Variants in SOX6 observed in about 807,000 individuals in gnomAD.
The protein encoded by SOX6 is SRY-box transcription factor 6, also known as transcription factor SOX-6.
SOX6 carries 11 observed loss-of-function variants against 97.8 expected under a neutral mutation model. The ratio of observed to expected loss-of-function variants is 0.11; its 90% confidence interval spans 0.07 to 0.19. The LOEUF is 0.19. Ranked by LOEUF, SOX6 falls within the 10% of genes least tolerant of loss-of-function variation. SOX6 has a pLI of 1.00. For missense variants in SOX6, 810 were observed against 1,039.5 expected (o/e 0.78, Z 3.04); for synonymous variants, 360 against 371.4 (o/e 0.97, Z 0.35).
intron 4 of SOX6, among the ~76,000 whole-genome samples, chr11:16,504,628 A>C (rs1860757272): frequency 6.6e-6 from 1 of 152,176 alleles, no homozygotes. Flanking sequence ...GGACTGGAAA[A>C]ATTAATATTG....
At chr11:16,587,886 G>A (rs1370784797) in intron 4 of SOX6, among the ~76,000 whole-genome samples, 5 of 152,144 alleles carry the variant, frequency 3.3e-5, no homozygotes, top group African/African-American at 4.8e-5. Context: ...GCAATGAATT[G>A]ATGGCTGTGT....
chr11:16,520,695 G>A lies in SOX6; in HGVS notation n.610-44307C>T, dbSNP rs537113860. Among the ~76,000 whole-genome samples, 61 of 152,346 alleles carry A rather than the reference G, an allele frequency of 4.0e-4. No individual in the cohort carries two copies. The East Asian group carries it at 5.0e-3, about 13-fold the overall frequency. ...CGAGGCATGGCCTCACTCGGGAAGC[G>A]CAAGGGGTCAGGGAGTTCCCTTTCC... On this transcript the variant is annotated intron_variant and non_coding_transcript_variant, in intron 4 of 5. Coordinates refer to the SOX6 transcript ENST00000524520.
chr11:15,992,373 G>T (rs185105977), intron 13 of SOX6, among the ~76,000 whole-genome samples: 169 of 152,272 alleles, frequency 1.1e-3, no homozygotes, highest in African/African-American at 3.9e-3. Context: ...CACACAGATT[G>T]CAATGCCCAG....
chr11:16,230,413 G>C (rs1389581072), intron 4 of SOX6, among the ~76,000 whole-genome samples: 1 of 151,650 alleles, frequency 6.6e-6, no homozygotes, highest in Non-Finnish European at 1.5e-5. Flanking sequence ...AAAGTCAATA[G>C]AGGCAAGTTA....
chr11:16,322,483 A>G (rs898074909), intron 2 of SOX6, among the ~76,000 whole-genome samples: 4 of 152,122 alleles, frequency 2.6e-5, no homozygotes, highest in Non-Finnish European at 4.4e-5. Flanking sequence ...TCTTTTCTTT[A>G]TAAATTACCC....
intron 6 of SOX6, among the ~76,000 whole-genome samples, chr11:16,114,814 T>C (rs1037472109): frequency 3.4e-5 from 5 of 148,946 alleles, no homozygotes; most frequent in African/African-American, 9.7e-5. Context: ...ATGAAAACAT[T>C]ATTTTTATAT....
chr11:16,738,353 C>T (rs184176555), intron 1 of SOX6: 8 of 203,546 alleles, frequency 3.9e-5, no homozygotes, highest in African/African-American at 1.8e-4. Context: ...AGTAGGGCAG[C>T]GTTGCACGGT....
At chr11:16,505,777 C>G (rs890269570) in intron 4 of SOX6, among the ~76,000 whole-genome samples, 17 of 152,230 alleles carry the variant, frequency 1.1e-4, no homozygotes, top group Admixed American at 3.9e-4. Context: ...GCTGCCCCAG[C>G]TCCAGCTCCA....
At chr11:15,977,639 T>G (rs1027924983) in intron 15 of SOX6, among the ~76,000 whole-genome samples, 1 of 152,052 alleles carries the variant, frequency 6.6e-6, no homozygotes, top group African/African-American at 2.4e-5. Context: ...TTTAACTCTC[T>G]GCCTACTCTG....
intron 3 of SOX6, among the ~76,000 whole-genome samples, chr11:16,288,687 G>T (rs1590096076): frequency 6.6e-6 from 1 of 151,982 alleles, no homozygotes; most frequent in Non-Finnish European, 1.5e-5. Flanking sequence ...ATACCAGATA[G>T]TGAAGTTTCA....
chr11:16,304,679 G>A (rs934269674), intron 3 of SOX6, among the ~76,000 whole-genome samples: 13 of 152,076 alleles, frequency 8.5e-5, no homozygotes, highest in African/African-American at 1.9e-4. Flanking sequence ...TTAAGTGTTC[G>A]TCTTATATCC....
At chr11:16,081,128 A>G (rs995153484) in intron 9 of SOX6, among the ~76,000 whole-genome samples, 6 of 152,120 alleles carry the variant, frequency 3.9e-5, no homozygotes, top group African/African-American at 1.4e-4. Flanking sequence ...ATCTAGCAGA[A>G]TTCACACCAG....
At chr11:16,392,568 G>A (rs1028623724) in intron 1 of SOX6, among the ~76,000 whole-genome samples, 1 of 152,040 alleles carries the variant, frequency 6.6e-6, no homozygotes, top group African/African-American at 2.4e-5. Context: ...TTTAAAACCT[G>A]TTCTTCCAAA....
At chr11:16,321,707 A>G (rs769130104) in intron 2 of SOX6, among the ~76,000 whole-genome samples, 10 of 152,136 alleles carry the variant, frequency 6.6e-5, no homozygotes, top group Admixed American at 2.6e-4. Context: ...GCAAGAGGCT[A>G]GAGAGTCATG....
intron 6 of SOX6, among the ~76,000 whole-genome samples, chr11:16,163,068 G>A (rs1265599181): frequency 6.6e-6 from 1 of 151,062 alleles, no homozygotes; most frequent in Non-Finnish European, 1.5e-5. Flanking sequence ...TGTAAAAAGG[G>A]GAAAAGAAAA....
intron 9 of SOX6, among the ~76,000 whole-genome samples, chr11:16,091,811 T>C (rs990961203): frequency 1.3e-5 from 2 of 152,034 alleles, no homozygotes. Context: ...TGCATTTATA[T>C]TGACATTTTT....
At chr11:16,451,434 G>A (rs956089374) in intron 1 of SOX6, among the ~76,000 whole-genome samples, 2 of 152,070 alleles carry the variant, frequency 1.3e-5, no homozygotes, top group Non-Finnish European at 2.9e-5. Context: ...TGTCTGCTAA[G>A]GACTTCCAAA....
intron 3 of SOX6, among the ~76,000 whole-genome samples, chr11:16,249,126 T>A (rs979847179): frequency 1.3e-5 from 2 of 151,024 alleles, no homozygotes; most frequent in African/African-American, 2.4e-5. Context: ...AAAAAAAAAA[T>A]TGACTCCTTG....
chr11:16,243,548 T>C (rs1346406776), intron 3 of SOX6, among the ~76,000 whole-genome samples: 1 of 151,866 alleles, frequency 6.6e-6, no homozygotes, highest in African/African-American at 2.4e-5. Flanking sequence ...TATAATAAAA[T>C]GCGCCCATTT....
Sources: gnomAD v4.1 joint callset for allele counts (sites outside exome capture counted in the v4.1 genomes callset) on GRCh38, gnomAD v4.1.1 for gene constraint, MANE v1.5 for transcripts, NCBI Gene and HGNC (gene_info 2026-07-23, HGNC 2026-07-21) for gene names.